Variants in HMX1 observed in about 807,000 individuals in gnomAD.
The protein encoded by HMX1 is H6 family homeobox 1.
A neutral mutation model predicts 8.9 loss-of-function variants in HMX1; 8 were observed. The ratio of observed to expected loss-of-function variants is 0.90; its 90% confidence interval spans 0.53 to 1.63. The LOEUF is 1.63. Ranked by LOEUF, HMX1 falls within the 40% of genes most tolerant of loss-of-function variation. The pLI is 0.00. For missense variants in HMX1, 621 were observed against 558.5 expected (o/e 1.11, Z -1.13); for synonymous variants, 311 against 283.4 (o/e 1.10, Z -0.98).
At chr4:8,864,530 G>A (rs1008484420), downstream of HMX1, among the ~76,000 whole-genome samples, 3 of 152,224 alleles carry the variant, frequency 2.0e-5, no homozygotes, top group African/African-American at 4.8e-5. Context: ...GTGCACCCGC[G>A]ATCGATGGCG....
At position 8,853,407 on chromosome 4, in the gene HMX1, A is replaced by T. The variant is rs148682084; in HGVS notation, c.395-7083T>A. On this transcript the variant is annotated intron_variant, in intron 1 of 1. Transcript: ENST00000506970. This position sits in a 1 kb window ranked among gnomAD's most constrained non-coding sequence, Gnocchi z 4.7. ...CACCCAACTTCCTGATAAGTCAAAG[A>T]TCTATCCAGATGTTGCCCGCTGCAC... 5.6e-4 allele frequency among the ~76,000 whole-genome samples: 85 copies of T among 152,278 alleles called. 1 individual carries two copies. Among genetic ancestry groups the T allele is most frequent in the African/African-American group, 1.9e-3 (78 of 41,552 alleles).
chr4:8,867,591 G>T lies in HMX1; in HGVS notation c.*102C>A. ...GAGGTATCTAGGAGGCCGCAGGAGC[G>T]ACCATCCCTTCCCTAACGCCCCCTG... is the stretch of plus-strand genomic sequence containing the variant. On this transcript the variant is annotated 3_prime_UTR_variant, in exon 2 of 2. Coordinates refer to ENST00000400677, the MANE Select transcript of HMX1 (RefSeq NM_018942.3). The T allele has an allele frequency of 8.4e-7, 1 of 1,186,264 alleles. No homozygotes were observed. Among genetic ancestry groups the T allele is most frequent in the South Asian group, 4.3e-5 (1 of 23,394 alleles). The allele number at this position is 1,186,264 out of a possible 1,614,324, so 73.5% of individuals were successfully genotyped here.
In HMX1 at chr4:8,871,042, G is replaced by A. The variant is rs1367821141; in HGVS notation, c.394+179C>T. On this transcript the variant is annotated intron_variant, in intron 1 of 1. Coordinates refer to ENST00000400677, the MANE Select transcript of HMX1 (RefSeq NM_018942.3). The surrounding 1 kb of genome is among the most constrained non-coding windows in gnomAD (Gnocchi z 4.8). ...TAGCGGAGCTCCTGCCCCAGAGGGT[G>A]GGCCTCCAAACCAGCCCAACCAGGG... Among the ~76,000 whole-genome samples, 1 of 150,072 alleles carries A rather than the reference G, an allele frequency of 6.7e-6. No individual in the cohort carries two copies. Among genetic ancestry groups the A allele is most frequent in the East Asian group, 1.9e-4 (1 of 5,140 alleles).
At chr4:8,856,135 C>A (rs1721602278) in intron 1 of HMX1, among the ~76,000 whole-genome samples, 1 of 152,174 alleles carries the variant, frequency 6.6e-6, no homozygotes, top group Admixed American at 6.5e-5. Flanking sequence ...TCAGCTCAGT[C>A]CAATGGAGAG....
chr4:8,859,708 G>A (rs975998717), intron 1 of HMX1, among the ~76,000 whole-genome samples: 12 of 152,226 alleles, frequency 7.9e-5, no homozygotes, highest in Non-Finnish European at 1.2e-4. Flanking sequence ...CACGTGCGTG[G>A]TCTATGTGAC....
At chr4:8,869,715 C>A (rs1012623764) in intron 1 of HMX1, among the ~76,000 whole-genome samples, 1 of 148,852 alleles carries the variant, frequency 6.7e-6, no homozygotes, top group African/African-American at 2.6e-5. Flanking sequence ...TGCCTCCCCC[C>A]AATACCCCAA....
chr4:8,863,019 G>A (rs1267491338), downstream of HMX1, among the ~76,000 whole-genome samples: 3 of 149,032 alleles, frequency 2.0e-5, no homozygotes, highest in African/African-American at 7.5e-5. Context: ...GGATCGGCGA[G>A]TCCAGGAGGC....
intron 1 of HMX1, among the ~76,000 whole-genome samples, chr4:8,861,557 G>A (rs769861920): frequency 2.0e-5 from 3 of 152,330 alleles, no homozygotes; most frequent in South Asian, 4.1e-4. Context: ...GACGAGCAGA[G>A]GAGCATCGGA....
chr4:8,866,413 A>G (rs995488923), downstream of HMX1, among the ~76,000 whole-genome samples: 9 of 152,224 alleles, frequency 5.9e-5, no homozygotes, highest in African/African-American at 2.2e-4. Flanking sequence ...GCTGAAACAC[A>G]CACCAAATAC....
At chr4:8,850,760 C>T (rs564420379) in intron 1 of HMX1, among the ~76,000 whole-genome samples, 3 of 152,322 alleles carry the variant, frequency 2.0e-5, no homozygotes, top group African/African-American at 7.2e-5. Flanking sequence ...CACCACTCCA[C>T]TCACCCAGCC....
intron 1 of HMX1, among the ~76,000 whole-genome samples, chr4:8,859,680 G>C (rs1234923307): frequency 2.0e-5 from 3 of 152,218 alleles, no homozygotes; most frequent in African/African-American, 7.2e-5. Flanking sequence ...TGGGGACAGA[G>C]TCTCTGCCTT....
rs1387815277 is a variant in HMX1, at chr4:8,867,712, T to G, written c.1028A>C (p.Gln343Pro). 1 of 1,275,950 alleles carries G rather than the reference T, an allele frequency of 7.8e-7. No individual in the cohort carries two copies. Among genetic ancestry groups the G allele is most frequent in the African/African-American group, 1.5e-5 (1 of 64,946 alleles). 79.0% of individuals were successfully genotyped at this position (1,275,950 alleles called of 1,614,324 possible). A position where few individuals can be genotyped will look rare whatever the true frequency, so the allele number is the denominator to read the frequency against. Residue 343 changes from glutamine to proline, a missense_variant, in exon 2 of 2, where the codon CAG becomes CCG. Coordinates refer to ENST00000400677, the MANE Select transcript of HMX1 (RefSeq NM_018942.3). ...AAASVPFLRA[Q>P]MPGLV ...CGGGGCTCACACCAGGCCAGGCATCTGCGCCCGCAGAAAGGGCACGGAGGC... is the reference window on the plus strand; with the variant it reads ...CGGGGCTCACACCAGGCCAGGCATCGGCGCCCGCAGAAAGGGCACGGAGGC...
At position 8,868,225 on chromosome 4, in the gene HMX1, G is replaced by A. The variant is rs528729403; in HGVS notation, c.515C>T (p.Pro172Leu). Residue 172 changes from proline (P) to leucine (L), a missense_variant, in exon 2 of 2, where the codon CCG becomes CTG. Transcript: ENST00000400677. This position sits in a 1 kb window ranked among gnomAD's most constrained non-coding sequence, Gnocchi z 4.6. ...CGACGCCTCCTCCGTGCCGGCCGCC[G>A]GGCCACGCGCCGCCAGCTCCGCTGC... is the stretch of plus-strand genomic sequence containing the variant. ...REAAELAARG[P>L]AAGTEEASEL... The A allele has an allele frequency of 3.4e-5, 49 of 1,439,208 alleles. No individual in the cohort carries two copies. The East Asian group carries it at 7.5e-4, about 22-fold the overall frequency. The allele number at this position is 1,439,208 out of a possible 1,614,324, so 89.2% of individuals were successfully genotyped here. A position where few individuals can be genotyped will look rare whatever the true frequency, so the allele number is the denominator to read the frequency against.
rs1208140961 is a variant in HMX1 at position 8,870,951 on chromosome 4, C to T, written c.394+270G>A. Among the ~76,000 whole-genome samples, 1 of 152,120 alleles carries T rather than the reference C, an allele frequency of 6.6e-6. No individual in the cohort carries two copies. The highest frequency in any genetic ancestry group is 1.5e-5 in the Non-Finnish European group (1 of 68,038). On this transcript the variant is annotated intron_variant, in intron 1 of 1. Transcript: ENST00000400677. This position sits in a 1 kb window ranked among gnomAD's most constrained non-coding sequence, Gnocchi z 4.4. Reference sequence around the variant, plus strand: ...CTTTGGCCTCCTGTTGTCCCCTGTCCCCAGCCTCCCTGGGACCGGAGGAGC... The same window carrying T: ...CTTTGGCCTCCTGTTGTCCCCTGTCTCCAGCCTCCCTGGGACCGGAGGAGC...
chr4:8,851,405 C>T (rs941823655), intron 1 of HMX1, among the ~76,000 whole-genome samples: 2 of 152,212 alleles, frequency 1.3e-5, no homozygotes, highest in South Asian at 2.1e-4. Context: ...CCATGGCTCC[C>T]GCGGGTGTAC....
Position 8,871,527 on chromosome 4 carries a change from T to C in HMX1, c.88A>G (p.Lys30Glu), listed in dbSNP as rs1003262748. ...CCCTGGGTCGCGCGCCCTGCGCCCT[T>C]GGCCTCGGCCGCCAGCAGGTTCTCG... is the stretch of plus-strand genomic sequence containing the variant. Reference protein sequence around the residue: ...LIENLLAAEAKGAGRATQGDG... With the variant: ...LIENLLAAEAEGAGRATQGDG... The change falls in exon 1 of 2, where the codon AAG becomes GAG. Residue 30 changes from lysine to glutamate, a missense_variant. Coordinates refer to ENST00000400677, the MANE Select transcript of HMX1 (RefSeq NM_018942.3). The surrounding 1 kb of genome is among the most constrained non-coding windows in gnomAD (Gnocchi z 4.8). 1.4e-5 allele frequency: 19 copies of C among 1,352,678 alleles called. No homozygotes were observed. The highest frequency in any genetic ancestry group is 3.2e-5 in the East Asian group (1 of 31,052). 83.8% of individuals were successfully genotyped at this position (1,352,678 alleles called of 1,614,324 possible).
At chr4:8,862,010 C>T (rs932507560) in intron 1 of HMX1, among the ~76,000 whole-genome samples, 2 of 152,214 alleles carry the variant, frequency 1.3e-5, no homozygotes, top group Non-Finnish European at 2.9e-5. Context: ...CAGCCCTTGT[C>T]CGTCCTCCCT....
intron 1 of HMX1, chr4:8,860,977 G>T (rs1721789504): frequency 6.7e-6 from 1 of 150,124 alleles, no homozygotes; most frequent in African/African-American, 2.5e-5. Context: ...GAGGGCGGGG[G>T]AGGGGGCGGG....
intron 1 of HMX1, among the ~76,000 whole-genome samples, chr4:8,851,407 C>T (rs780983856): frequency 1.3e-5 from 2 of 152,196 alleles, no homozygotes; most frequent in African/African-American, 2.4e-5. Flanking sequence ...ATGGCTCCCG[C>T]GGGTGTACAA....
Sources: gnomAD v4.1 joint callset for allele counts (sites outside exome capture counted in the v4.1 genomes callset) on GRCh38, gnomAD v4.1.1 for gene constraint, Gnocchi (gnomAD v3.1) non-coding constraint, MANE v1.5 for transcripts, NCBI Gene and HGNC (gene_info 2026-07-23, HGNC 2026-07-21) for gene names.